Variants in SRGAP3 observed in about 807,000 individuals in gnomAD.
The protein encoded by SRGAP3 is SLIT-ROBO Rho GTPase-activating protein 3.
Under a neutral mutation model 121.1 loss-of-function variants are expected in SRGAP3, and 39 were observed. That is an observed-to-expected ratio of 0.32 (90% confidence interval 0.25 to 0.42). The LOEUF is 0.42. Ranked by LOEUF, SRGAP3 falls within the 10% of genes least tolerant of loss-of-function variation. The probability of loss-of-function intolerance (pLI) is 1.00; values close to 1 mark genes in which losing one functional copy is unlikely to be tolerated. For synonymous variants in SRGAP3, 601 were observed against 570.0 expected (o/e 1.05, Z -0.77); for missense variants, 1,213 against 1,470.6 (o/e 0.82, Z 2.86).
At chr3:9,133,061 T>C (rs891307078) in intron 1 of SRGAP3, among the ~76,000 whole-genome samples, 1 of 149,272 alleles carries the variant, frequency 6.7e-6, no homozygotes, top group African/African-American at 2.4e-5. Context: ...TAGATCTATA[T>C]ATAAGAGAGA....
chr3:9,080,150 T>C, intron 3 of SRGAP3, 63 bp from the exon 4 acceptor site: 1 of 1,567,964 alleles, frequency 6.4e-7, no homozygotes, highest in East Asian at 2.2e-5. Context: ...TACCAATCTC[T>C]TTTCAAAAGC....
Position 9,239,183 on chromosome 3 carries a change from C to G in SRGAP3, c.67+9702G>C, listed in dbSNP as rs188488694. 6.7e-4 allele frequency among the ~76,000 whole-genome samples: 102 copies of G among 152,268 alleles called. No individual in the cohort carries two copies. The highest frequency in any genetic ancestry group is 1.2e-3 in the Non-Finnish European group (80 of 68,014). On this transcript the variant is annotated intron_variant, in intron 1 of 21. Transcript: ENST00000383836. The surrounding 1 kb of genome is among the most constrained non-coding windows in gnomAD (Gnocchi z 4.0). ...TCACTTGAGGTCAGGAGTTCTAAAC[C>G]AGCCTGGCCAACATGGTGATACCCT...
intron 18 of SRGAP3, among the ~76,000 whole-genome samples, chr3:8,995,811 A>C (rs1942365797): frequency 6.6e-6 from 1 of 152,228 alleles, no homozygotes; most frequent in Non-Finnish European, 1.5e-5. Context: ...TAATGTTTTA[A>C]TATTTTAAAG....
chr3:9,117,659 G>GT (rs1948852705), intron 2 of SRGAP3, among the ~76,000 whole-genome samples: 1 of 152,136 alleles, frequency 6.6e-6, no homozygotes, highest in Non-Finnish European at 1.5e-5. Context: ...AAGGTGAGGG[G>GT]TATCAAAAAC....
rs1954258822 is a variant in SRGAP3, at chr3:9,261,702, A to G, written n.442+64308T>C. On this transcript the variant is annotated intron_variant and non_coding_transcript_variant, in intron 3 of 3. Transcript: ENST00000490889. ...CCCCCAAGAAATATGAGACTATGTG[A>G]AAAGACCAAACCTACGTTTGATTGG... Among the ~76,000 whole-genome samples the G allele has an allele frequency of 3.3e-5, 5 of 151,980 alleles. No homozygotes were observed. The South Asian group carries it at 1.0e-3, about 32-fold the overall frequency.
intron 19 of SRGAP3, 114 bp from the exon 20 acceptor site, chr3:8,993,169 G>C: frequency 6.5e-7 from 1 of 1,535,802 alleles, no homozygotes; most frequent in Non-Finnish European, 8.8e-7. Flanking sequence ...TGGTTACTTT[G>C]TGCCCACAGC....
Position 9,125,073 on chromosome 3 carries a change from GCAGAGCATTGGCA to G in SRGAP3, c.68-169_68-157del, listed in dbSNP as rs1431225895. 5.0e-6 allele frequency: 4 copies of G among 807,352 alleles called. No individual in the cohort carries two copies. The East Asian group carries it at 8.1e-5, about 16-fold the overall frequency. 50.0% of individuals were successfully genotyped at this position (807,352 alleles called of 1,614,324 possible). A position where few individuals can be genotyped will look rare whatever the true frequency, so the allele number is the denominator to read the frequency against. On this transcript the variant is annotated intron_variant, in intron 1 of 21. Coordinates refer to ENST00000383836, the MANE Select transcript of SRGAP3 (RefSeq NM_014850.4). ...CCAGCCAGAGCTCAGACCTTGCTTG[GCAGAGCATTGGCA>G]CAAAGATTTCTCTCTTGCTCGTTTT...
chr3:9,004,899 A>G (rs538599698), intron 18 of SRGAP3, among the ~76,000 whole-genome samples: 8 of 152,378 alleles, frequency 5.3e-5, no homozygotes, highest in South Asian at 2.1e-4. Flanking sequence ...ATGCGCAACA[A>G]AAGAAAAAAT....
At chr3:9,220,966 C>T (rs1995994) in intron 1 of SRGAP3, among the ~76,000 whole-genome samples, 48,845 of 152,104 alleles carry the variant, frequency 0.32, 8,346 homozygotes, top group East Asian at 0.7. Flanking sequence ...TCAGGTCCCA[C>T]CTCTGTCCCA....
At chr3:9,257,662 C>T (rs571939399) in intron 3 of SRGAP3, among the ~76,000 whole-genome samples, 22 of 142,120 alleles carry the variant, frequency 1.5e-4, no homozygotes, top group South Asian at 6.9e-4. Context: ...ATGATTTTTA[C>T]GAATTCATTT....
At chr3:9,013,981 A>C in intron 15 of SRGAP3, 139 bp from the exon 16 acceptor site, 1 of 792,742 alleles carries the variant, frequency 1.3e-6, no homozygotes. Flanking sequence ...ATCACAGGTG[A>C]TCCTGGCCTG....
chr3:9,315,612 A>T (rs1181350517), intron 3 of SRGAP3, among the ~76,000 whole-genome samples: 1 of 152,242 alleles, frequency 6.6e-6, no homozygotes, highest in Non-Finnish European at 1.5e-5. Context: ...ACTCAGCCAA[A>T]CAGTTCAATA....
Position 9,158,218 on chromosome 3 carries a change from T to C in SRGAP3, c.68-33301A>G, listed in dbSNP as rs562459713. 2.3e-4 allele frequency among the ~76,000 whole-genome samples: 35 copies of C among 151,692 alleles called. No individual in the cohort carries two copies. In the South Asian group the frequency reaches 2.9e-3, roughly 13 times the overall value. On this transcript the variant is annotated intron_variant, in intron 1 of 21. Coordinates refer to ENST00000383836, the MANE Select transcript of SRGAP3 (RefSeq NM_014850.4). Reference sequence around the variant, plus strand: ...TCCTGTCCGCTCAAACCTGGGAGGGTTCTGTAGGATACTATTACAGAAGCT... The same window carrying C: ...TCCTGTCCGCTCAAACCTGGGAGGGCTCTGTAGGATACTATTACAGAAGCT...
chr3:9,073,970 T>C (rs1166476532), intron 4 of SRGAP3, among the ~76,000 whole-genome samples: 1 of 152,250 alleles, frequency 6.6e-6, no homozygotes, highest in African/African-American at 2.4e-5. Flanking sequence ...GACATGCTTC[T>C]TCCTGGGTAC....
intron 3 of SRGAP3, among the ~76,000 whole-genome samples, chr3:9,284,940 T>G (rs903910092): frequency 6.6e-6 from 1 of 151,204 alleles, no homozygotes. Flanking sequence ...CCTAAGGTAA[T>G]GCTGTTGATT....
chr3:9,223,705 A>G (rs957153117), intron 1 of SRGAP3, among the ~76,000 whole-genome samples: 5 of 152,198 alleles, frequency 3.3e-5, no homozygotes, highest in African/African-American at 1.2e-4. Flanking sequence ...CAGGTGTTCC[A>G]AAGGCATTTT....
intron 2 of SRGAP3, among the ~76,000 whole-genome samples, chr3:9,112,200 G>C (rs1373156306): frequency 6.6e-6 from 1 of 152,204 alleles, no homozygotes; most frequent in Non-Finnish European, 1.5e-5. Flanking sequence ...CACTGCCCTG[G>C]GATCAGGGTC....
At chr3:8,999,563 C>T (rs1243322371) in intron 18 of SRGAP3, among the ~76,000 whole-genome samples, 1 of 152,190 alleles carries the variant, frequency 6.6e-6, no homozygotes, top group Non-Finnish European at 1.5e-5. Flanking sequence ...ACTTCATCCC[C>T]AGAAGTGAGA....
chr3:8,996,814 T>C (rs1214511735), intron 18 of SRGAP3, among the ~76,000 whole-genome samples: 8 of 152,072 alleles, frequency 5.3e-5, no homozygotes, highest in Non-Finnish European at 1.2e-4. Flanking sequence ...TGCTCCTGGG[T>C]TCGCCCAGGG....
Sources: gnomAD v4.1 joint callset for allele counts (sites outside exome capture counted in the v4.1 genomes callset) on GRCh38, gnomAD v4.1.1 for gene constraint, Gnocchi (gnomAD v3.1) non-coding constraint, MANE v1.5 for transcripts, NCBI Gene and HGNC (gene_info 2026-07-23, HGNC 2026-07-21) for gene names.